P2RX3: variants seen among roughly 807,000 people sequenced by gnomAD.
The protein encoded by P2RX3 is purinergic receptor P2X 3.
A neutral mutation model predicts 51.5 loss-of-function variants in P2RX3; 41 were observed. The ratio of observed to expected loss-of-function variants is 0.80; its 90% CI spans 0.62 to 1.03. P2RX3 has a LOEUF of 1.03. P2RX3 is among the 50% of genes least tolerant of loss of function. The pLI is 0.00. For synonymous variants in P2RX3, 185 were observed against 191.6 expected (o/e 0.97, Z 0.29); for missense variants, 459 against 522.1 (o/e 0.88, Z 1.18).
chr11:57,337,329 A>AAAAAAAAAAAAAGG (rs1554965262), upstream of P2RX3, among the ~76,000 whole-genome samples: 6 of 77,288 alleles, frequency 7.8e-5, no homozygotes, highest in African/African-American at 5.7e-5. Context: ...AAGAAAAAAA[A>AAAAAAAAAAAAAGG]AAGGAAGGGA....
intron 8 of P2RX3, among the ~76,000 whole-genome samples, chr11:57,352,900 A>G (rs1391634559): frequency 1.3e-5 from 2 of 152,188 alleles, no homozygotes; most frequent in Non-Finnish European, 2.9e-5. Context: ...CCCAGGCCAG[A>G]GAAGAAGGAG....
Position 57,348,230 on chromosome 11 carries a change from G to A in P2RX3, c.452G>A (p.Gly151Asp). The A allele has an allele frequency of 1.2e-6, 2 of 1,604,472 alleles. No homozygotes were observed. The highest frequency in any genetic ancestry group is 1.7e-6 in the Non-Finnish European group (2 of 1,175,928). Residue 151 changes from glycine to aspartate, a missense_variant, in exon 5 of 12, where the codon GGC becomes GAC. Gly to Asp is a moderately conservative substitution (Grantham distance 94). Coordinates refer to ENST00000263314, the MANE Select transcript of P2RX3 (RefSeq NM_002559.5). ...SSVLRTCEIQ[G>D]WCPTEVDTVE... ...GTGCTCCGGACCTGTGAGATCCAGG[G>A]CTGGTGCCCCACGGAGGTGGACACA...
intron 10 of P2RX3, 58 bp from the exon 11 acceptor site, chr11:57,369,303 C>T: frequency 6.6e-7 from 1 of 1,523,450 alleles, no homozygotes; most frequent in Admixed American, 1.8e-5. Context: ...TTCCTGCCAC[C>T]CTGATCCCAC....
intron 6 of P2RX3, 32 bp downstream of exon 6, chr11:57,348,736 T>A: frequency 1.9e-6 from 3 of 1,551,566 alleles, no homozygotes; most frequent in Non-Finnish European, 2.7e-6. Context: ...AAAGCCAAGA[T>A]GCAGGCACCC....
chr11:57,337,679 G>T (rs1202174079), upstream of P2RX3, among the ~76,000 whole-genome samples: 2 of 152,328 alleles, frequency 1.3e-5, no homozygotes, highest in Non-Finnish European at 2.9e-5. Flanking sequence ...CGCGGGGTGG[G>T]CGGAGTGGGG....
chr11:57,351,905 T>C (rs1856554799), intron 8 of P2RX3, among the ~76,000 whole-genome samples: 1 of 152,254 alleles, frequency 6.6e-6, no homozygotes, highest in Non-Finnish European at 1.5e-5. Context: ...GATGTTTTGA[T>C]ACATGTATAC....
At chr11:57,336,363 C>T (rs1359399904), upstream of P2RX3, among the ~76,000 whole-genome samples, 1 of 152,014 alleles carries the variant, frequency 6.6e-6, no homozygotes, top group Non-Finnish European at 1.5e-5. Flanking sequence ...CATCCTTAAC[C>T]GAAAATTATA....
chr11:57,355,136 A>T (rs1177772545), intron 8 of P2RX3, among the ~76,000 whole-genome samples: 1 of 152,196 alleles, frequency 6.6e-6, no homozygotes, highest in Non-Finnish European at 1.5e-5. Context: ...CACGGACCTG[A>T]GGGGCACCTG....
At chr11:57,344,206 A>G (rs975261013) in intron 1 of P2RX3, among the ~76,000 whole-genome samples, 3 of 152,232 alleles carry the variant, frequency 2.0e-5, no homozygotes, top group Non-Finnish European at 2.9e-5. Context: ...GTTTGAAGCC[A>G]TATGCTGGTG....
At position 57,338,595 on chromosome 11, in the gene P2RX3, G is replaced by T. The variant is rs377236358; in HGVS notation, c.45G>T (p.Ser15=). ...TCTTCACCTATGAGACCACCAAGTC[G>T]GTGGTTGTGAAGAGCTGGACCATCG... The part of the protein sequence containing the change: ...SDFFTYETTK[S]VVVKSWTIGI... The change falls in exon 1 of 12, where the codon TCG becomes TCT. Residue 15 remains serine, a synonymous_variant. Transcript: ENST00000263314. 1.9e-6 allele frequency: 3 copies of T among 1,596,166 alleles called. No individual in the cohort carries two copies. Among genetic ancestry groups the T allele is most frequent in the Non-Finnish European group, 2.6e-6 (3 of 1,165,412 alleles).
At chr11:57,342,747 C>T (rs1856364397) in intron 1 of P2RX3, among the ~76,000 whole-genome samples, 1 of 152,026 alleles carries the variant, frequency 6.6e-6, no homozygotes, top group South Asian at 2.1e-4. Context: ...ACTGCGACTA[C>T]TTCACAAAGA....
chr11:57,347,205 G>T lies in P2RX3; in HGVS notation c.327+18G>T. On this transcript the variant is annotated intron_variant, in intron 3 of 11. Coordinates refer to ENST00000263314, the MANE Select transcript of P2RX3 (RefSeq NM_002559.5). ...GCCCAGAGGTGAGGGGAGGACAGAG[G>T]TTGGGTGAAGCAGGTCAAGGCTGAA... The T allele has an allele frequency of 6.2e-7, 1 of 1,611,882 alleles. No individual in the cohort carries two copies. The highest frequency in any genetic ancestry group is 1.1e-5 in the South Asian group (1 of 90,590).
At chr11:57,339,887 C>G (rs11607950) in intron 1 of P2RX3, among the ~76,000 whole-genome samples, 14,899 of 152,146 alleles carry the variant, frequency 0.098, 765 homozygotes, top group Middle Eastern at 0.13. Flanking sequence ...TGATTTTTTG[C>G]TCTGTGTGCT....
At chr11:57,356,877 GC>G (rs1159648530) in intron 8 of P2RX3, among the ~76,000 whole-genome samples, 5 of 152,148 alleles carry the variant, frequency 3.3e-5, no homozygotes, top group African/African-American at 9.7e-5. Context: ...GATTTAGATA[GC>G]CCTTTATCAT....
In P2RX3 at chr11:57,370,951, G is replaced by A. The variant is rs1856876586; in HGVS notation, c.*954G>A. On this transcript the variant is annotated 3_prime_UTR_variant, in exon 12 of 12. Transcript: ENST00000263314. ...AGTAAGGCCTGGTGCCTTGTGAGCTGCTCAGCTGGGTTGGCCAGGCCTGTC... is the reference window on the plus strand; with the variant it reads ...AGTAAGGCCTGGTGCCTTGTGAGCTACTCAGCTGGGTTGGCCAGGCCTGTC... Among the ~76,000 whole-genome samples, 1 of 152,208 alleles carries A rather than the reference G, an allele frequency of 6.6e-6. No homozygotes were observed. Among genetic ancestry groups the A allele is most frequent in the African/African-American group, 2.4e-5 (1 of 41,446 alleles).
At chr11:57,362,439 G>C (rs1273776781) in intron 8 of P2RX3, among the ~76,000 whole-genome samples, 1 of 152,226 alleles carries the variant, frequency 6.6e-6, no homozygotes, top group Non-Finnish European at 1.5e-5. Context: ...GTATGTAGCT[G>C]AGCCATTCCC....
In P2RX3 at chr11:57,349,744, T is replaced by G; in HGVS notation, c.564-13T>G. 1 of 1,614,060 alleles carries G rather than the reference T, an allele frequency of 6.2e-7. No individual in the cohort carries two copies. The highest frequency in any genetic ancestry group is 8.5e-7 in the Non-Finnish European group (1 of 1,179,980). On this transcript the variant is annotated splice_polypyrimidine_tract_variant and intron_variant, in intron 6 of 11. Coordinates refer to ENST00000263314, the MANE Select transcript of P2RX3 (RefSeq NM_002559.5). ...TGAACCCTGGGCTGACCTCTCTCTC[T>G]GCTCCTCCCCAGGGGAAACCTCCTT...
intron 4 of P2RX3, 44 bp from the exon 5 acceptor site, chr11:57,348,126 G>T: frequency 6.6e-7 from 1 of 1,503,962 alleles, no homozygotes. Flanking sequence ...AGGGAGAGGA[G>T]CAAAGGGCAG....
intron 8 of P2RX3, among the ~76,000 whole-genome samples, chr11:57,354,990 A>T (rs529770688): frequency 6.6e-6 from 1 of 152,318 alleles, no homozygotes; most frequent in South Asian, 2.1e-4. Flanking sequence ...CAGTGACAGG[A>T]ACATGGAGAC....
Sources: allele counts gnomAD v4.1 joint callset (sites outside exome capture counted in the v4.1 genomes callset), GRCh38; gene constraint gnomAD v4.1.1; transcripts MANE v1.5; gene names NCBI Gene and HGNC (gene_info 2026-07-23, HGNC 2026-07-21).